Variants in VPS41 observed in about 807,000 individuals in gnomAD.
The protein encoded by VPS41 is vacuolar protein sorting-associated protein 41 homolog.
A neutral mutation model predicts 130.9 loss-of-function variants in VPS41; 85 were observed. That is an observed-to-expected ratio of 0.65 (90% CI 0.55 to 0.78). VPS41 has a LOEUF of 0.78. Among genes scored for constraint, VPS41 ranks in the 30% least tolerant of loss-of-function variants. The probability of loss-of-function intolerance (pLI) is 0.00; values close to 1 mark genes in which losing one functional copy is unlikely to be tolerated. For synonymous variants in VPS41, 335 were observed against 332.9 expected, an observed-to-expected ratio of 1.01 and a Z score of -0.07; for missense variants, 874 against 1,018.7, an observed-to-expected ratio of 0.86 and a Z score of 1.93.
chr7:38,863,960 G>C (rs1485381513), intron 3 of VPS41, among the ~76,000 whole-genome samples: 1 of 152,104 alleles, frequency 6.6e-6, no homozygotes, highest in Non-Finnish European at 1.5e-5. Context: ...GTTCTAATCA[G>C]AAACAGAGAA....
rs1208143496 is a variant in VPS41, at chr7:38,726,172, C to A, written c.*74G>T. 4.9e-6 allele frequency: 5 copies of A among 1,013,836 alleles called. No homozygotes were observed. The allele number at this position is 1,013,836 out of a possible 1,614,324, so 62.8% of individuals were successfully genotyped here. A position where few individuals can be genotyped will look rare whatever the true frequency, so the allele number is the denominator to read the frequency against. ...ACAAATCTCTTAACAGCACGAGTGT[C>A]AACAAATGCTTTTGTTGTTGCAAAA... is the stretch of plus-strand genomic sequence containing the variant. On this transcript the variant is annotated 3_prime_UTR_variant, in exon 29 of 29. Coordinates refer to ENST00000310301, the MANE Select transcript of VPS41 (RefSeq NM_014396.4).
chr7:38,796,914 A>G (rs1324533966), intron 7 of VPS41, 50 bp from the exon 8 acceptor site: 1 of 1,609,022 alleles, frequency 6.2e-7, no homozygotes, highest in Non-Finnish European at 8.5e-7. Flanking sequence ...AAAATAATGT[A>G]TCAGGTTCTT....
chr7:38,822,151 T>C (rs186406638), intron 5 of VPS41, among the ~76,000 whole-genome samples: 10 of 152,192 alleles, frequency 6.6e-5, no homozygotes, highest in Admixed American at 3.9e-4. Context: ...ATACTTAGTA[T>C]ATTTTCTGAG....
At chr7:38,799,801 A>G (rs936622351) in intron 7 of VPS41, among the ~76,000 whole-genome samples, 5 of 152,216 alleles carry the variant, frequency 3.3e-5, no homozygotes, top group Admixed American at 6.5e-5. Context: ...ATAGTAAAAC[A>G]TTTTATAAAA....
Position 38,728,691 on chromosome 7 carries a change from C to A in VPS41, c.2359+1G>T, listed in dbSNP as rs1470187497. On this transcript the variant is annotated splice_donor_variant, in intron 26 of 28. Transcript: ENST00000310301. LOFTEE classifies it high-confidence loss of function. ...CATATGATTATTTCAATTTTACCCA[C>A]CATCAACAAGAACACCTTTCATTTG... is the stretch of plus-strand genomic sequence containing the variant. 5 of 1,613,988 alleles carry A rather than the reference C, an allele frequency of 3.1e-6. No individual in the cohort carries two copies. The African/African-American group carries it at 6.7e-5, about 22-fold the overall frequency.
chr7:38,887,221 T>A (rs2079546), intron 2 of VPS41, among the ~76,000 whole-genome samples: 141,976 of 152,294 alleles, frequency 0.93, 66,330 homozygotes, highest in East Asian at 1. Flanking sequence ...CGGTAATAAC[T>A]AACTTCTCCA....
rs1308805753 is a variant in VPS41, at chr7:38,730,174, T to C, written c.2260-1383A>G. Among the ~76,000 whole-genome samples, 4 of 152,212 alleles carry C rather than the reference T, an allele frequency of 2.6e-5. No homozygotes were observed. The East Asian group carries it at 7.7e-4, about 29-fold the overall frequency. On this transcript the variant is annotated intron_variant, in intron 25 of 28. Transcript: ENST00000310301. ...TCTTTCACGGGCAAGTGCCACTGTTTAGAGGGGGCACTTTGGCTTTCTTCA... is the reference window on the plus strand; with the variant it reads ...TCTTTCACGGGCAAGTGCCACTGTTCAGAGGGGGCACTTTGGCTTTCTTCA...
At chr7:38,796,358 G>T (rs1784619677) in intron 8 of VPS41, 1 of 411,876 alleles carries the variant, frequency 2.4e-6, no homozygotes, top group Admixed American at 2.9e-5. Context: ...GATTATACTG[G>T]GAGTAAAAGA....
At chr7:38,799,764 G>C (rs1388628302) in intron 7 of VPS41, among the ~76,000 whole-genome samples, 2 of 152,122 alleles carry the variant, frequency 1.3e-5, no homozygotes, top group African/African-American at 4.8e-5. Context: ...AAGTAATTTA[G>C]GGGGAGGAAT....
chr7:38,827,054 G>A (rs1304877603), intron 5 of VPS41, among the ~76,000 whole-genome samples: 4 of 152,084 alleles, frequency 2.6e-5, no homozygotes, highest in Non-Finnish European at 4.4e-5. Context: ...TCCTGACCCC[G>A]TGATCTGCCC....
At chr7:38,734,775 CCTTGTTCATA>C (rs1795731487) in intron 25 of VPS41, among the ~76,000 whole-genome samples, 3 of 152,290 alleles carry the variant, frequency 2.0e-5, no homozygotes, top group Admixed American at 2.0e-4. Context: ...GCTGACATTG[CCTTGTTCATA>C]CTGCAATGCT....
At chr7:38,783,054 G>C (rs749502781) in intron 10 of VPS41, among the ~76,000 whole-genome samples, 1 of 151,528 alleles carries the variant, frequency 6.6e-6, no homozygotes, top group African/African-American at 2.4e-5. Context: ...CGAGCACCCA[G>C]GAGGCAGAGG....
At chr7:38,743,720 T>C (rs1455214525) in intron 23 of VPS41, among the ~76,000 whole-genome samples, 178 bp from the exon 24 acceptor site, 1 of 152,214 alleles carries the variant, frequency 6.6e-6, no homozygotes, top group African/African-American at 2.4e-5. Context: ...TCCTATTTAC[T>C]GGATATTTAC....
intron 25 of VPS41, among the ~76,000 whole-genome samples, chr7:38,734,036 T>C (rs954616806): frequency 3.9e-5 from 6 of 152,128 alleles, no homozygotes; most frequent in African/African-American, 1.4e-4. Context: ...CAGTGAGCTG[T>C]GACTGCACCA....
chr7:38,829,225 T>C (rs1284731977), intron 5 of VPS41, among the ~76,000 whole-genome samples: 2 of 152,206 alleles, frequency 1.3e-5, no homozygotes, highest in Non-Finnish European at 2.9e-5. Flanking sequence ...CCAATTACTG[T>C]TTCAAAAGAC....
At chr7:38,756,213 T>TACACACACAC (rs3839727) in intron 19 of VPS41, among the ~76,000 whole-genome samples, 3,038 of 146,604 alleles carry the variant, frequency 0.021, 34 homozygotes, top group African/African-American at 0.035. Flanking sequence ...AGATTTCTTT[T>TACACACACAC]ACACACACAC....
intron 18 of VPS41, among the ~76,000 whole-genome samples, chr7:38,757,203 G>A (rs545839040): frequency 6.6e-6 from 1 of 152,196 alleles, no homozygotes; most frequent in African/African-American, 2.4e-5. Context: ...CAAAATTTAA[G>A]AAAATTCACA....
Position 38,726,998 on chromosome 7 carries a change from AG to A in VPS41, c.2405-11del, listed in dbSNP as rs773639693. 6 of 1,532,298 alleles carry A rather than the reference AG, an allele frequency of 3.9e-6. No individual in the cohort carries two copies. The South Asian group carries it at 6.3e-5, about 16-fold the overall frequency. 94.9% of individuals were successfully genotyped at this position (1,532,298 alleles called of 1,614,324 possible). On this transcript the variant is annotated splice_polypyrimidine_tract_variant and intron_variant, in intron 27 of 28. Transcript: ENST00000310301. ...AAGGGCTTAGCTGCATCTGGCGAGG[AG>A]GGCAGAGAAAGGAGGAGAACTTAAT...
At chr7:38,787,398 T>A (rs1199885149) in intron 10 of VPS41, among the ~76,000 whole-genome samples, 1 of 152,170 alleles carries the variant, frequency 6.6e-6, no homozygotes, top group Admixed American at 6.5e-5. Context: ...AAAACATGGA[T>A]GCTAGGCACA....
Sources: gnomAD v4.1 joint callset for allele counts (sites outside exome capture counted in the v4.1 genomes callset) on GRCh38, gnomAD v4.1.1 for gene constraint, MANE v1.5 for transcripts, NCBI Gene and HGNC (gene_info 2026-07-23, HGNC 2026-07-21) for gene names.